The following OSBPL1A variants were observed in gnomAD, a reference collection of about 807,000 sequenced individuals.
OSBPL1A encodes oxysterol binding protein like 1A.
In OSBPL1A, 80 loss-of-function variants were observed where a neutral mutation model predicts 137.1. The ratio of observed to expected loss-of-function variants is 0.58; its 90% CI spans 0.49 to 0.70. The LOEUF is 0.70. Among genes scored for constraint, OSBPL1A ranks in the 30% least tolerant of loss-of-function variants. The pLI is 0.00. For synonymous variants in OSBPL1A, 365 were observed against 389.7 expected, an observed-to-expected ratio of 0.94 and a Z score of 0.75; for missense variants, 970 against 1,129.4, an observed-to-expected ratio of 0.86 and a Z score of 2.02.
At chr18:24,237,640 T>C (rs944029817) in intron 16 of OSBPL1A, among the ~76,000 whole-genome samples, 1 of 152,196 alleles carries the variant, frequency 6.6e-6, no homozygotes, top group African/African-American at 2.4e-5. Flanking sequence ...ATATATAACA[T>C]GAGCAACTGA....
At position 24,272,000 on chromosome 18, in the gene OSBPL1A, C is replaced by A; in HGVS notation, c.1281+8842G>T. 2 of 981,744 alleles carry A rather than the reference C, an allele frequency of 2.0e-6. No individual in the cohort carries two copies. Among genetic ancestry groups the A allele is most frequent in the Non-Finnish European group, 2.4e-6 (2 of 828,604 alleles). 60.8% of individuals were successfully genotyped at this position (981,744 alleles called of 1,614,324 possible). On this transcript the variant is annotated intron_variant, in intron 15 of 27. Transcript: ENST00000319481. The surrounding 1 kb of genome is among the most constrained non-coding windows in gnomAD (Gnocchi z 4.0). ...AGAGCGCGGGCGGGCGGCGGCAAGG[C>A]CTGCGGCGGGCGGCTCCCTGCGCGC... is the stretch of plus-strand genomic sequence containing the variant.
At chr18:24,338,018 C>T (rs1201434753) in intron 5 of OSBPL1A, among the ~76,000 whole-genome samples, 2 of 151,362 alleles carry the variant, frequency 1.3e-5, no homozygotes, top group Admixed American at 1.3e-4. Flanking sequence ...GAAGGACATA[C>T]AAATGTTTAC....
chr18:24,305,267 T>A (rs532653227), intron 13 of OSBPL1A, among the ~76,000 whole-genome samples: 1 of 152,214 alleles, frequency 6.6e-6, no homozygotes. Context: ...TATAGCATCA[T>A]CTTCAAATAC....
intron 18 of OSBPL1A, among the ~76,000 whole-genome samples, chr18:24,192,272 AGG>A (rs1222744410): frequency 6.6e-6 from 1 of 152,104 alleles, no homozygotes; most frequent in Admixed American, 6.5e-5. Context: ...ACTGGAGCAA[AGG>A]GATGGAGGAG....
At chr18:24,175,209 A>T (rs1335087445) in intron 21 of OSBPL1A, among the ~76,000 whole-genome samples, 1 of 146,382 alleles carries the variant, frequency 6.8e-6, no homozygotes, top group Non-Finnish European at 1.5e-5. Context: ...TTCCAGAGAC[A>T]GGGTTTCACT....
rs111405186 is a variant in OSBPL1A at position 24,164,404 on chromosome 18, A to G, written c.2750+661T>C. Among the ~76,000 whole-genome samples the G allele has an allele frequency of 8.7e-3, 1,309 of 149,878 alleles. 29 individuals carry two copies. The highest frequency in any genetic ancestry group is 0.03 in the African/African-American group (1,230 of 40,430). On this transcript the variant is annotated intron_variant, in intron 27 of 27. Coordinates refer to ENST00000319481, the MANE Select transcript of OSBPL1A (RefSeq NM_080597.4). ...AATTAGTACAGCCATTATGGAAAAC[A>G]GTATGGAGATTTTTGGTTTTTTTTT...
rs1484531242 is a variant in OSBPL1A at position 24,225,093 on chromosome 18, T to C, written c.1550A>G (p.Glu517Gly). The C allele has an allele frequency of 2.5e-6, 4 of 1,614,106 alleles. No individual in the cohort carries two copies. The highest frequency in any genetic ancestry group is 2.2e-5 in the East Asian group (1 of 44,898). The change falls in exon 17 of 28, where the codon GAA (glutamate) becomes GGA (glycine). Residue 517 changes from glutamate to glycine, a missense_variant. Physicochemically the swap from Glu to Gly is moderately conservative, Grantham distance 98. This residue lies in a region of OSBPL1A where 647 missense variants were observed against 672.6 expected (regional missense o/e 0.96). Transcript: ENST00000319481. ...AGCATCTCCGCCACCACAGTCTTTT[T>C]CTTCGGACATTCTGTGTTTTCTACT... ...LGSRKHRMSE[E>G]KDCGGGDALS...
At chr18:24,182,455 C>T (rs1288720573) in intron 18 of OSBPL1A, among the ~76,000 whole-genome samples, 13 of 151,580 alleles carry the variant, frequency 8.6e-5, no homozygotes, top group African/African-American at 2.2e-4. Context: ...TGGCTGGTTG[C>T]GTGGGCGGGT....
chr18:24,336,365 A>G (rs1599682624), intron 5 of OSBPL1A, among the ~76,000 whole-genome samples: 1 of 152,142 alleles, frequency 6.6e-6, no homozygotes, highest in African/African-American at 2.4e-5. Flanking sequence ...AATACTATAT[A>G]TGTTCTTAGA....
At chr18:24,311,535 C>T (rs1291076670) in intron 13 of OSBPL1A, 1 of 984,880 alleles carries the variant, frequency 1.0e-6, no homozygotes, top group Non-Finnish European at 1.2e-6. Context: ...TTTACCTTAT[C>T]TCTTAGCAAC....
chr18:24,234,920 A>T (rs11083037), intron 16 of OSBPL1A, among the ~76,000 whole-genome samples: 70,263 of 151,944 alleles, frequency 0.46, 17,384 homozygotes, highest in East Asian at 0.84. Context: ...ATTGCTCTTT[A>T]CTAACTGTGC....
chr18:24,188,793 G>A (rs547828368), intron 18 of OSBPL1A, among the ~76,000 whole-genome samples: 128 of 152,258 alleles, frequency 8.4e-4, no homozygotes, highest in Non-Finnish European at 1.2e-3. Context: ...GTTCCCTAGA[G>A]AGGTAGTGAA....
At chr18:24,368,100 T>C (rs1905293088) in intron 3 of OSBPL1A, 187 bp downstream of exon 3, 1 of 394,702 alleles carries the variant, frequency 2.5e-6, no homozygotes. Flanking sequence ...AAACATACAA[T>C]TTTAATTAAT....
At chr18:24,353,857 G>T (rs1364359315) in intron 4 of OSBPL1A, among the ~76,000 whole-genome samples, 2 of 147,162 alleles carry the variant, frequency 1.4e-5, no homozygotes, top group African/African-American at 2.5e-5. Flanking sequence ...TCACAGGTGG[G>T]AATTGAACAA....
intron 27 of OSBPL1A, among the ~76,000 whole-genome samples, chr18:24,164,248 T>C (rs1366234481): frequency 6.6e-6 from 1 of 152,026 alleles, no homozygotes; most frequent in Non-Finnish European, 1.5e-5. Context: ...ACATCACTAA[T>C]TATGAGGGAA....
chr18:24,385,176 T>G lies in OSBPL1A; in HGVS notation c.-2-7641A>C, dbSNP rs189997443. ...TCACTGTGTTAGCCAGGATGGTCTCTATCTCCTGACCTCATGATCCGCCCG... is the reference window on the plus strand; with the variant it reads ...TCACTGTGTTAGCCAGGATGGTCTCGATCTCCTGACCTCATGATCCGCCCG... On this transcript the variant is annotated intron_variant, in intron 1 of 27. Coordinates refer to ENST00000319481, the MANE Select transcript of OSBPL1A (RefSeq NM_080597.4). Among the ~76,000 whole-genome samples, 631 of 152,042 alleles carry G rather than the reference T, an allele frequency of 4.2e-3. 6 individuals are homozygous for G. The highest frequency in any genetic ancestry group is 0.012 in the African/African-American group (486 of 41,528).
At chr18:24,370,540 G>A (rs895969103) in intron 2 of OSBPL1A, among the ~76,000 whole-genome samples, 8 of 152,090 alleles carry the variant, frequency 5.3e-5, no homozygotes, top group Non-Finnish European at 7.3e-5. Flanking sequence ...CAGAGCCACA[G>A]CCTGGGCGCC....
At chr18:24,258,167 C>T (rs2089338797) in intron 15 of OSBPL1A, among the ~76,000 whole-genome samples, 1 of 152,178 alleles carries the variant, frequency 6.6e-6, no homozygotes, top group Non-Finnish European at 1.5e-5. Context: ...TATCTGCACT[C>T]CCATGTTTGC....
intron 14 of OSBPL1A, among the ~76,000 whole-genome samples, chr18:24,293,801 T>A (rs2090237753): frequency 6.6e-6 from 1 of 152,108 alleles, no homozygotes; most frequent in Non-Finnish European, 1.5e-5. Context: ...AGTGAGAAGA[T>A]CTGGAAGCCA....
Sources: gnomAD v4.1 joint callset for allele counts (sites outside exome capture counted in the v4.1 genomes callset) on GRCh38, gnomAD v4.1.1 for gene constraint, gnomAD v4.1.1 regional missense constraint, Gnocchi (gnomAD v3.1) non-coding constraint, MANE v1.5 for transcripts, NCBI Gene and HGNC (gene_info 2026-07-23, HGNC 2026-07-21) for gene names.